SENP7: variants seen among roughly 807,000 people sequenced by gnomAD.
The protein encoded by SENP7 is SUMO specific peptidase 7, also known as sentrin-specific protease 7.
In SENP7, 64 loss-of-function variants were observed where a neutral mutation model predicts 141.2. That is an observed-to-expected ratio of 0.45 (90% CI 0.37 to 0.56). The LOEUF (loss-of-function observed/expected upper bound fraction) is 0.56, where lower values mean the gene tolerates loss of function less well. Among genes scored for constraint, SENP7 ranks in the 20% least tolerant of loss-of-function variants. The pLI, the probability that SENP7 is intolerant of heterozygous loss-of-function variation, is 0.00. For synonymous variants in SENP7, 382 were observed against 426.4 expected, an observed-to-expected ratio of 0.90 and a Z score of 1.28; for missense variants, 1,025 against 1,212.2, an observed-to-expected ratio of 0.85 and a Z score of 2.29.
chr3:101,339,207 TA>T (rs2059266390), intron 16 of SENP7, among the ~76,000 whole-genome samples: 1 of 152,202 alleles, frequency 6.6e-6, no homozygotes, highest in African/African-American at 2.4e-5. Context: ...GTTACTGGGA[TA>T]AAGATTACTA....
At chr3:101,463,400 T>TATATTTATATATATATATACAC in intron 3 of SENP7, among the ~76,000 whole-genome samples, 1 of 77,988 alleles carries the variant, frequency 1.3e-5, no homozygotes, top group South Asian at 4.4e-4. Context: ...TATATATACA[T>TATATTTATATATATATATACAC]ATATATATAT....
chr3:101,354,156 T>C (rs2059679208), intron 11 of SENP7, among the ~76,000 whole-genome samples: 1 of 152,086 alleles, frequency 6.6e-6, no homozygotes, highest in Non-Finnish European at 1.5e-5. Flanking sequence ...TCAGCCTTTG[T>C]TCACATGCAT....
intron 4 of SENP7, among the ~76,000 whole-genome samples, chr3:101,419,282 A>T (rs2061715546): frequency 6.6e-6 from 1 of 152,242 alleles, no homozygotes; most frequent in South Asian, 2.1e-4. Flanking sequence ...AAGAATGGGC[A>T]GTTAGGCAGG....
intron 4 of SENP7, among the ~76,000 whole-genome samples, chr3:101,425,581 T>C (rs529385964): frequency 5.5e-4 from 83 of 152,250 alleles, no homozygotes; most frequent in Non-Finnish European, 1.1e-3. Flanking sequence ...AAAAGAACAC[T>C]GAAAACTCAA....
chr3:101,475,594 G>A (rs767968515), intron 3 of SENP7, among the ~76,000 whole-genome samples: 8 of 151,948 alleles, frequency 5.3e-5, no homozygotes, highest in Admixed American at 3.3e-4. Flanking sequence ...AATGGATGCT[G>A]GTCTTAATAC....
chr3:101,444,507 G>C (rs940765126), intron 4 of SENP7, among the ~76,000 whole-genome samples: 6 of 152,136 alleles, frequency 3.9e-5, no homozygotes, highest in Non-Finnish European at 5.9e-5. Flanking sequence ...GTCCAACAAT[G>C]ATAGACTGGA....
chr3:101,453,772 T>C (rs2063246124), intron 4 of SENP7, among the ~76,000 whole-genome samples: 1 of 151,906 alleles, frequency 6.6e-6, no homozygotes, highest in African/African-American at 2.4e-5. Flanking sequence ...TGTTAAATGA[T>C]GAGTTAATGG....
chr3:101,415,963 T>C (rs780257341), intron 5 of SENP7, among the ~76,000 whole-genome samples: 3 of 151,044 alleles, frequency 2.0e-5, no homozygotes, highest in Admixed American at 6.6e-5. Flanking sequence ...TATATATGTA[T>C]ATATGTTAAA....
intron 3 of SENP7, among the ~76,000 whole-genome samples, chr3:101,486,301 C>T (rs1034377578): frequency 6.6e-6 from 1 of 152,080 alleles, no homozygotes; most frequent in African/African-American, 2.4e-5. Context: ...CCTAGGCACA[C>T]GGCAATCAGG....
intron 6 of SENP7, among the ~76,000 whole-genome samples, chr3:101,380,761 A>C (rs978440131): frequency 6.6e-6 from 1 of 152,142 alleles, no homozygotes; most frequent in Non-Finnish European, 1.5e-5. Flanking sequence ...ATGTAGACTG[A>C]ATGTAAAAAG....
chr3:101,450,745 C>T (rs774153643), intron 4 of SENP7, among the ~76,000 whole-genome samples: 4 of 152,116 alleles, frequency 2.6e-5, no homozygotes, highest in Non-Finnish European at 5.9e-5. Flanking sequence ...GCACTAAATG[C>T]TCACAAGAGA....
rs540163143 is a variant in SENP7, at chr3:101,501,628, C to T, written c.41-509G>A. On this transcript the variant is annotated intron_variant, in intron 1 of 23. Transcript: ENST00000394095. ...CTTTTACTCACCAACATTTTTCAGA[C>T]TTGCTGTGGATTTTTCTGAGTTATA... Among the ~76,000 whole-genome samples, 8 of 152,296 alleles carry T rather than the reference C, an allele frequency of 5.3e-5. 1 individual carries two copies. In the South Asian group the frequency reaches 1.7e-3, roughly 32 times the overall value.
chr3:101,504,709 A>G (rs970875610), intron 1 of SENP7, among the ~76,000 whole-genome samples: 1 of 152,216 alleles, frequency 6.6e-6, no homozygotes, highest in African/African-American at 2.4e-5. Context: ...AGTAACACAG[A>G]ACTGGAGACC....
At chr3:101,396,873 T>G (rs1421941390) in intron 6 of SENP7, among the ~76,000 whole-genome samples, 1 of 152,204 alleles carries the variant, frequency 6.6e-6, no homozygotes, top group South Asian at 2.1e-4. Context: ...GATGAAATTT[T>G]GCTCTTGTTG....
At chr3:101,482,430 G>GA (rs910557034) in intron 3 of SENP7, among the ~76,000 whole-genome samples, 1 of 151,944 alleles carries the variant, frequency 6.6e-6, no homozygotes, top group Non-Finnish European at 1.5e-5. Flanking sequence ...CAAATACACA[G>GA]AAAAATATTC....
intron 23 of SENP7, among the ~76,000 whole-genome samples, chr3:101,326,467 C>T (rs2058902242): frequency 1.3e-5 from 2 of 152,134 alleles, no homozygotes; most frequent in South Asian, 4.1e-4. Context: ...CTATAACTCT[C>T]ATGCTTTCAA....
In SENP7 at chr3:101,324,393, C is replaced by T. The variant is rs948300151; in HGVS notation, c.*1550G>A. 1 of 152,016 alleles carries T rather than the reference C, an allele frequency of 6.6e-6. No homozygotes were observed. Among genetic ancestry groups the T allele is most frequent in the Non-Finnish European group, 1.5e-5 (1 of 67,956 alleles). 9.4% of individuals were successfully genotyped at this position (152,016 alleles called of 1,614,324 possible). On this transcript the variant is annotated 3_prime_UTR_variant, in exon 24 of 24. Transcript: ENST00000394095. ...AAAACATGATAAAGGACAGTGATAT[C>T]TTTGAAAAACATACAAACAAAAACA...
At chr3:101,499,367 G>T (rs2065281322) in intron 2 of SENP7, among the ~76,000 whole-genome samples, 1 of 151,918 alleles carries the variant, frequency 6.6e-6, no homozygotes, top group Admixed American at 6.6e-5. Context: ...GCAATGTAAG[G>T]TTTTTTTAGG....
chr3:101,415,291 A>G (rs1436694126), intron 5 of SENP7, among the ~76,000 whole-genome samples: 1 of 152,214 alleles, frequency 6.6e-6, no homozygotes, highest in African/African-American at 2.4e-5. Flanking sequence ...AAATTATTAC[A>G]TGCTGCATCT....
Sources: gnomAD v4.1 joint callset for allele counts (sites outside exome capture counted in the v4.1 genomes callset) on GRCh38, gnomAD v4.1.1 for gene constraint, MANE v1.5 for transcripts, NCBI Gene and HGNC (gene_info 2026-07-23, HGNC 2026-07-21) for gene names.